The following FAM227A variants were observed in gnomAD, a reference collection of about 807,000 sequenced individuals.
The protein encoded by FAM227A is protein FAM227A.
A neutral mutation model predicts 74.7 loss-of-function variants in FAM227A; 80 were observed. The ratio of observed to expected loss-of-function variants is 1.07; its 90% CI spans 0.89 to 1.29. The LOEUF is 1.29. FAM227A is among the 50% of genes most tolerant of loss of function. The pLI is 0.00. For synonymous variants in FAM227A, 237 were observed against 241.8 expected (o/e 0.98, Z 0.19); for missense variants, 654 against 683.4 (o/e 0.96, Z 0.48).
chr22:38,648,997 G>T (rs2092285177), intron 2 of FAM227A, among the ~76,000 whole-genome samples: 1 of 151,724 alleles, frequency 6.6e-6, no homozygotes, highest in East Asian at 1.9e-4. Context: ...AAAAAGCTGG[G>T]TTTCATGCTC....
chr22:38,639,134 G>A (rs183304792), intron 4 of FAM227A, among the ~76,000 whole-genome samples: 58 of 152,158 alleles, frequency 3.8e-4, no homozygotes, highest in African/African-American at 1.3e-3. Flanking sequence ...AAGGGGCCGG[G>A]CACAGTGGCT....
intron 5 of FAM227A, among the ~76,000 whole-genome samples, chr22:38,636,967 T>TG (rs2092020907): frequency 6.6e-6 from 1 of 151,976 alleles, no homozygotes; most frequent in Non-Finnish European, 1.5e-5. Flanking sequence ...AGACAGGGTT[T>TG]CTACTAAAAA....
intron 10 of FAM227A, among the ~76,000 whole-genome samples, chr22:38,622,760 C>T (rs2145563960): frequency 6.6e-6 from 1 of 151,062 alleles, no homozygotes; most frequent in Admixed American, 6.6e-5. Context: ...CCTGGGATCC[C>T]AGCTACTTGG....
chr22:38,603,046 G>A (rs1602898852), intron 13 of FAM227A, among the ~76,000 whole-genome samples: 2 of 152,046 alleles, frequency 1.3e-5, no homozygotes, highest in South Asian at 4.2e-4. Context: ...GATAATTTTT[G>A]TATTTTTAGT....
intron 16 of FAM227A, among the ~76,000 whole-genome samples, chr22:38,590,697 A>G (rs192613249): frequency 2.8e-3 from 421 of 152,358 alleles, no homozygotes; most frequent in Non-Finnish European, 4.8e-3. Context: ...CACTTGGTAC[A>G]GAGGAAGTAC....
chr22:38,612,168 C>A (rs1189933868), intron 11 of FAM227A, among the ~76,000 whole-genome samples: 1 of 152,162 alleles, frequency 6.6e-6, no homozygotes, highest in African/African-American at 2.4e-5. Flanking sequence ...TCCAATACAT[C>A]CTCCATATTC....
At position 38,585,818 on chromosome 22, in the gene FAM227A, A is replaced by G; in HGVS notation, c.*307T>C. On this transcript the variant is annotated 3_prime_UTR_variant, in exon 17 of 17. Transcript: ENST00000535113. ...AAATGCAGTGGATAATCCCTACTTC[A>G]TACGGCTGGTATGAAAGTTTTACCT... 1 of 537,642 alleles carries G rather than the reference A, an allele frequency of 1.9e-6. No individual in the cohort carries two copies. The highest frequency in any genetic ancestry group is 3.2e-6 in the Non-Finnish European group (1 of 316,050). 33.3% of individuals were successfully genotyped at this position (537,642 alleles called of 1,614,324 possible). A position where few individuals can be genotyped will look rare whatever the true frequency, so the allele number is the denominator to read the frequency against.
Position 38,628,967 on chromosome 22 carries a change from G to A in FAM227A, c.520-32C>T, listed in dbSNP as rs774096668. 1.9e-3 allele frequency: 2,362 copies of A among 1,236,308 alleles called. 50 individuals are homozygous for A. The East Asian group carries it at 0.035, about 19-fold the overall frequency. The allele number at this position is 1,236,308 out of a possible 1,614,324, so 76.6% of individuals were successfully genotyped here. On this transcript the variant is annotated intron_variant, in intron 6 of 16. Transcript: ENST00000535113. Reference sequence around the variant, plus strand: ...AAAAAAAATTCACAGTATTATTATTGTTGTTATCTTTTTAAAAATCCATCT... The same window carrying A: ...AAAAAAAATTCACAGTATTATTATTATTGTTATCTTTTTAAAAATCCATCT...
rs1396362488 is a variant in FAM227A at position 38,597,209 on chromosome 22, G to A, written c.1527C>T (p.Phe509=). 1.3e-6 allele frequency: 2 copies of A among 1,552,136 alleles called. No individual in the cohort carries two copies. Among genetic ancestry groups the A allele is most frequent in the African/African-American group, 2.7e-5 (2 of 73,024 alleles). The change falls in exon 15 of 17, where the codon TTC becomes TTT. Residue 509 remains phenylalanine, a synonymous_variant. Coordinates refer to ENST00000535113, the MANE Select transcript of FAM227A (RefSeq NM_001013647.2). ...DKHLKELQDN[F]SREMKNIDPK... ...CCCCAAAGCCCCTTCCATACCTGGA[G>A]AAGTTGTCTTGCAGCTCCTTTAGAT...
rs2090720681 is a variant in FAM227A, at chr22:38,582,414, G to A, written c.*3711C>T. 6.5e-7 allele frequency: 1 copy of A among 1,549,776 alleles called. No individual in the cohort carries two copies. Among genetic ancestry groups the A allele is most frequent in the African/African-American group, 1.4e-5 (1 of 73,012 alleles). On this transcript the variant is annotated 3_prime_UTR_variant, in exon 17 of 17. Coordinates refer to ENST00000535113, the MANE Select transcript of FAM227A (RefSeq NM_001013647.2). ...GTTTTCAGCAACACTGGGAATGACA[G>A]AATTAGAATATCATACAATTACTCA...
intron 6 of FAM227A, 31 bp from the exon 7 acceptor site, chr22:38,628,966 T>C (rs1449530114): frequency 8.1e-7 from 1 of 1,241,054 alleles, no homozygotes; most frequent in Non-Finnish European, 1.1e-6. Flanking sequence ...GTATTATTAT[T>C]GTTGTTATCT....
intron 15 of FAM227A, among the ~76,000 whole-genome samples, chr22:38,592,947 C>T (rs942122945): frequency 6.6e-6 from 1 of 152,198 alleles, no homozygotes; most frequent in Admixed American, 6.5e-5. Context: ...GCAAATAACC[C>T]TTCCATTTTT....
intron 3 of FAM227A, among the ~76,000 whole-genome samples, chr22:38,644,982 G>A (rs190810738): frequency 2.0e-5 from 3 of 152,038 alleles, no homozygotes; most frequent in Non-Finnish European, 4.4e-5. Context: ...CCAGCTACTC[G>A]GGAGGCTGAG....
chr22:38,620,281 A>C lies in FAM227A; in HGVS notation c.969T>G (p.Phe323Leu). Residue 323 changes from phenylalanine (F) to leucine (L), a missense_variant, in exon 11 of 17, where the codon TTT becomes TTG. Physicochemically the swap from Phe to Leu is conservative, Grantham distance 22 (BLOSUM62 0). Coordinates refer to ENST00000535113, the MANE Select transcript of FAM227A (RefSeq NM_001013647.2). ...YRRRLTKGRE[F>L]SLFAGKRAFS... ...AGGCTCTCTTACCAGCAAACAAAGAAAACTCTCTCCCTATAGAAGGGGAAA... is the reference window on the plus strand; with the variant it reads ...AGGCTCTCTTACCAGCAAACAAAGACAACTCTCTCCCTATAGAAGGGGAAA... 6.4e-7 allele frequency: 1 copy of C among 1,550,976 alleles called. No homozygotes were observed. Among genetic ancestry groups the C allele is most frequent in the Non-Finnish European group, 8.7e-7 (1 of 1,146,364 alleles).
intron 15 of FAM227A, 33 bp downstream of exon 15, chr22:38,597,171 G>A (rs947939824): frequency 3.9e-6 from 6 of 1,549,288 alleles, no homozygotes; most frequent in Non-Finnish European, 5.2e-6. Flanking sequence ...GATAAGTGCG[G>A]AACAACGGCA....
rs2090790642 is a variant in FAM227A at position 38,585,692 on chromosome 22, T to A, written c.*433A>T. 1 of 198,556 alleles carries A rather than the reference T, an allele frequency of 5.0e-6. No individual in the cohort carries two copies. Among genetic ancestry groups the A allele is most frequent in the African/African-American group, 2.3e-5 (1 of 43,382 alleles). 12.3% of individuals were successfully genotyped at this position (198,556 alleles called of 1,614,324 possible). On this transcript the variant is annotated 3_prime_UTR_variant, in exon 17 of 17. Transcript: ENST00000535113. Reference sequence around the variant, plus strand: ...TGTCTTCCCTCTACCAGATGGTGACTCCCTTGAGAACAGGGACTGTGTCTT... The same window carrying A: ...TGTCTTCCCTCTACCAGATGGTGACACCCTTGAGAACAGGGACTGTGTCTT...
chr22:38,648,459 T>G (rs1323925866), intron 2 of FAM227A, among the ~76,000 whole-genome samples: 1 of 150,416 alleles, frequency 6.6e-6, no homozygotes, highest in Non-Finnish European at 1.5e-5. Context: ...AATACAAAAT[T>G]AGCCAGACGT....
At chr22:38,644,562 C>T (rs925866473) in intron 3 of FAM227A, among the ~76,000 whole-genome samples, 9 of 151,738 alleles carry the variant, frequency 5.9e-5, no homozygotes, top group Non-Finnish European at 2.9e-5. Context: ...ATGGTAGATA[C>T]ATGTCATCAT....
At chr22:38,629,655 C>T (rs962796505) in intron 6 of FAM227A, among the ~76,000 whole-genome samples, 4 of 152,194 alleles carry the variant, frequency 2.6e-5, no homozygotes, top group African/African-American at 9.7e-5. Context: ...GACTCACACA[C>T]AGGTGCCTCT....
Sources: allele counts gnomAD v4.1 joint callset (sites outside exome capture counted in the v4.1 genomes callset), GRCh38; gene constraint gnomAD v4.1.1; transcripts MANE v1.5; gene names NCBI Gene and HGNC (gene_info 2026-07-23, HGNC 2026-07-21).